The following RSPH3 variants were observed in gnomAD, a reference collection of about 807,000 sequenced individuals.
RSPH3 encodes radial spoke head protein 3 homolog.
RSPH3 carries 21 observed loss-of-function variants against 43.8 expected under a neutral mutation model. That is an observed-to-expected ratio of 0.48 (90% confidence interval 0.34 to 0.69). The LOEUF is 0.69. Ranked by LOEUF, RSPH3 falls within the 30% of genes least tolerant of loss-of-function variation. The pLI, the probability that RSPH3 is intolerant of heterozygous loss-of-function variation, is 0.01. For missense variants in RSPH3, 487 were observed against 516.0 expected, an observed-to-expected ratio of 0.94 and a Z score of 0.54; for synonymous variants, 173 against 179.8, an observed-to-expected ratio of 0.96 and a Z score of 0.30.
At chr6:158,990,176 C>T (rs1022725450) in intron 2 of RSPH3, among the ~76,000 whole-genome samples, 7 of 152,028 alleles carry the variant, frequency 4.6e-5, no homozygotes, top group Admixed American at 3.3e-4. Context: ...ACTTAATAAA[C>T]TCTCCTTTAT....
At chr6:158,963,834 C>T in the RSPH3 span, among the ~76,000 whole-genome samples, 5 of 152,120 alleles carry the variant, frequency 3.3e-5, no homozygotes, top group African/African-American at 7.2e-5. Flanking sequence ...TCAAGCAATC[C>T]TCTTGCCTTG....
At position 158,978,456 on chromosome 6, in the gene RSPH3, A is replaced by G. The variant is rs77205349; in HGVS notation, c.860-110T>C. 1,143 of 617,434 alleles carry G rather than the reference A, an allele frequency of 1.9e-3. 18 individuals are homozygous for G. In the East Asian group the frequency reaches 0.032, roughly 17 times the overall value. The allele number at this position is 617,434 out of a possible 1,614,324, so 38.2% of individuals were successfully genotyped here. ...GGTTTCTTAATATAAAATGTTAAGT[A>G]GACTCATACAGCATAACTTTTGCCA... On this transcript the variant is annotated intron_variant, in intron 6 of 7. Coordinates refer to ENST00000367069, the MANE Select transcript of RSPH3 (RefSeq NM_031924.8).
At chr6:158,994,331 T>C (rs1183146859) in intron 1 of RSPH3, among the ~76,000 whole-genome samples, 2 of 152,196 alleles carry the variant, frequency 1.3e-5, no homozygotes, top group African/African-American at 4.8e-5. Flanking sequence ...AAAAGCTTGA[T>C]TCAAAGATTG....
chr6:158,983,918 GA>G, intron 3 of RSPH3, 111 bp from the exon 4 acceptor site: 1 of 708,512 alleles, frequency 1.4e-6, no homozygotes, highest in Non-Finnish European at 2.4e-6. Context: ...TGCATTACTT[GA>G]AGCCAGGAGT....
At chr6:158,998,895 A>G (rs1181313880) in intron 1 of RSPH3, among the ~76,000 whole-genome samples, 2 of 151,860 alleles carry the variant, frequency 1.3e-5, no homozygotes, top group Admixed American at 6.6e-5. Flanking sequence ...AACCACCACC[A>G]CCACCACCAC....
chr6:158,991,500 G>A (rs958073207), intron 2 of RSPH3, among the ~76,000 whole-genome samples: 1 of 152,268 alleles, frequency 6.6e-6, no homozygotes, highest in East Asian at 1.9e-4. Flanking sequence ...TCCTTTCTAG[G>A]CTCTGTCGAC....
chr6:158,974,539 A>C lies in RSPH3; in HGVS notation c.*2999T>G, dbSNP rs1777779460. 1 of 152,170 alleles carries C rather than the reference A, an allele frequency of 6.6e-6. No individual in the cohort carries two copies. 9.4% of individuals were successfully genotyped at this position (152,170 alleles called of 1,614,324 possible). On this transcript the variant is annotated 3_prime_UTR_variant, in exon 8 of 8. Transcript: ENST00000367069. The stretch of plus-strand genomic sequence containing the variant: ...CAGGTACTTGAAGAAATTCTTCATA[A>C]ACTTTGTTTCCATTTAACATTCTTC...
Position 158,973,953 on chromosome 6 carries a change from T to C in RSPH3, c.*3585A>G, listed in dbSNP as rs1133479. On this transcript the variant is annotated 3_prime_UTR_variant, in exon 8 of 8. Transcript: ENST00000367069. The stretch of plus-strand genomic sequence containing the variant: ...TCCCGAGTAGCTGGGATTATAGGCA[T>C]GCGTCACCATACCCAGCTAATTTTT... The C allele has an allele frequency of 0.18, 26,769 of 151,902 alleles. 3,132 individuals carry two copies. Among genetic ancestry groups the C allele is most frequent in the East Asian group, 0.41 (2,128 of 5,148 alleles). The allele number at this position is 151,902 out of a possible 1,614,324, so 9.4% of individuals were successfully genotyped here. A position where few individuals can be genotyped will look rare whatever the true frequency, so the allele number is the denominator to read the frequency against.
Position 158,989,119 on chromosome 6 carries a change from T to C in RSPH3, c.205-2698A>G, listed in dbSNP as rs1028000142. On this transcript the variant is annotated intron_variant, in intron 2 of 7. Coordinates refer to ENST00000367069, the MANE Select transcript of RSPH3 (RefSeq NM_031924.8). The surrounding 1 kb of genome is among the most constrained non-coding windows in gnomAD (Gnocchi z 4.3). ...TGGAGTGCAGTGGTGTGATCTTGGC[T>C]CACTGCAACCTCTGCCTCCTGGGTT... 6.6e-6 allele frequency among the ~76,000 whole-genome samples: 1 copy of C among 152,084 alleles called. No homozygotes were observed. Among genetic ancestry groups the C allele is most frequent in the Admixed American group, 6.6e-5 (1 of 15,252 alleles).
rs1777859847 is a variant in RSPH3 at position 158,976,877 on chromosome 6, T to G, written c.*661A>C. On this transcript the variant is annotated 3_prime_UTR_variant, in exon 8 of 8. Coordinates refer to ENST00000367069, the MANE Select transcript of RSPH3 (RefSeq NM_031924.8). ...TGTTGCCCAGGCTGGAGTGCAATGG[T>G]GCAAACTTGGCTCACCGCAACCTCC... The G allele has an allele frequency of 1.3e-5, 2 of 152,580 alleles. No individual in the cohort carries two copies. Among genetic ancestry groups the G allele is most frequent in the Non-Finnish European group, 2.9e-5 (2 of 68,496 alleles). 9.5% of individuals were successfully genotyped at this position (152,580 alleles called of 1,614,324 possible).
the RSPH3 span, among the ~76,000 whole-genome samples, chr6:158,964,393 A>G: frequency 1.3e-5 from 2 of 152,154 alleles, no homozygotes; most frequent in Non-Finnish European, 2.9e-5. Flanking sequence ...TCTTCAACTC[A>G]TTTTTAGGAC....
At chr6:158,998,770 C>G (rs1056230929) in intron 1 of RSPH3, among the ~76,000 whole-genome samples, 1 of 134,172 alleles carries the variant, frequency 7.5e-6, no homozygotes, top group African/African-American at 2.8e-5. Flanking sequence ...GCAGGAGAAT[C>G]GTTTGATCGG....
At chr6:158,984,282 A>G (rs77165817) in intron 3 of RSPH3, among the ~76,000 whole-genome samples, 5,338 of 151,594 alleles carry the variant, frequency 0.035, 299 homozygotes, top group African/African-American at 0.12. Flanking sequence ...AAGAGTTTTT[A>G]AATATTTGGA....
At chr6:158,982,188 GAT>G (rs1673064401) in intron 5 of RSPH3, among the ~76,000 whole-genome samples, 1 of 152,122 alleles carries the variant, frequency 6.6e-6, no homozygotes, top group African/African-American at 2.4e-5. Flanking sequence ...TAGGACTCCT[GAT>G]ATTTAAGAGA....
In RSPH3 at chr6:158,998,671, C is replaced by T. The variant is rs975507295; in HGVS notation, c.116+764G>A. Among the ~76,000 whole-genome samples, 60 of 146,788 alleles carry T rather than the reference C, an allele frequency of 4.1e-4. 1 individual carries two copies. Among genetic ancestry groups the T allele is most frequent in the Admixed American group, 9.0e-4 (13 of 14,510 alleles). On this transcript the variant is annotated intron_variant, in intron 1 of 7. Transcript: ENST00000367069. Reference sequence around the variant, plus strand: ...AAGAGTTTGAGACCAGCCTGGCCAACGTGGCAAAACCCTGTCTCTACTAAA... The same window carrying T: ...AAGAGTTTGAGACCAGCCTGGCCAATGTGGCAAAACCCTGTCTCTACTAAA...
rs1778795508 is a variant in RSPH3, at chr6:158,999,792, C to T, written c.-242G>A. On this transcript the variant is annotated 5_prime_UTR_variant, in exon 1 of 8. Coordinates refer to ENST00000367069, the MANE Select transcript of RSPH3 (RefSeq NM_031924.8). The stretch of plus-strand genomic sequence containing the variant: ...TGCGGGGGCCGCATCGGTTGCCCAG[C>T]AACCCAGGGTTCTGTCTGGGGGCGG... 2 of 1,612,322 alleles carry T rather than the reference C, an allele frequency of 1.2e-6. No individual in the cohort carries two copies. Among genetic ancestry groups the T allele is most frequent in the African/African-American group, 2.7e-5 (2 of 74,898 alleles).
At chr6:158,992,751 A>G (rs1214976560) in intron 2 of RSPH3, among the ~76,000 whole-genome samples, 1 of 152,162 alleles carries the variant, frequency 6.6e-6, no homozygotes, top group Non-Finnish European at 1.5e-5. Context: ...CTTACATGTC[A>G]TATACTGTTT....
intron 3 of RSPH3, among the ~76,000 whole-genome samples, chr6:158,984,434 TTATATATATATATATATATATA>T (rs55999313): frequency 3.1e-5 from 2 of 63,708 alleles, no homozygotes; most frequent in Non-Finnish European, 5.3e-5. Flanking sequence ...AAAAAGTCAA[TTATATATATATATATATATATA>T]TATATATATA....
chr6:158,979,974 G>A (rs1184063863), intron 6 of RSPH3, among the ~76,000 whole-genome samples: 1 of 152,226 alleles, frequency 6.6e-6, no homozygotes, highest in African/African-American at 2.4e-5. Flanking sequence ...CTGCCTGGAA[G>A]AGGGTAAGCG....
Sources: allele counts gnomAD v4.1 joint callset (sites outside exome capture counted in the v4.1 genomes callset), GRCh38; gene constraint gnomAD v4.1.1; non-coding constraint Gnocchi (gnomAD v3.1); transcripts MANE v1.5; gene names NCBI Gene and HGNC (gene_info 2026-07-23, HGNC 2026-07-21).